IDO1: variants seen among roughly 807,000 people sequenced by gnomAD.
IDO1 encodes the protein indolamine 2,3 dioxygenase.
Under a neutral mutation model 38.8 loss-of-function variants are expected in IDO1, and 35 were observed. That is an observed-to-expected ratio of 0.90 (90% confidence interval 0.69 to 1.20). IDO1 has a LOEUF of 1.20. Ranked by LOEUF, IDO1 falls within the 50% of genes most tolerant of loss-of-function variation. The pLI is 0.00. For missense variants in IDO1, 509 were observed against 485.1 expected (o/e 1.05, Z -0.46); for synonymous variants, 171 against 170.0 (o/e 1.01, Z -0.05).
intron 8 of IDO1, 62 bp downstream of exon 8, chr8:39,924,834 C>G: frequency 1.6e-6 from 2 of 1,218,818 alleles, no homozygotes; most frequent in South Asian, 2.5e-5. Context: ...ACCAAATTCT[C>G]TTGGTTGGTC....
Position 39,928,732 on chromosome 8 carries a change from C to CA in IDO1, c.*564dup, listed in dbSNP as rs34719328. 0.21 allele frequency among the ~76,000 whole-genome samples: 14,999 copies of CA among 71,872 alleles called. 1,039 individuals are homozygous for CA. Among genetic ancestry groups the CA allele is most frequent in the Non-Finnish European group, 0.28 (10,418 of 37,804 alleles). The allele number at this position is 71,872 out of a possible 152,430, so 47.2% of individuals were successfully genotyped here. A position where few individuals can be genotyped will look rare whatever the true frequency, so the allele number is the denominator to read the frequency against. On this transcript the variant is annotated 3_prime_UTR_variant, in exon 10 of 10. Transcript: ENST00000518237. ...TGGGCTAAAGAGCGGGACTCCGTCT[C>CA]AAAAAAAAAAAAAAAAAGATATATT... is the stretch of plus-strand genomic sequence containing the variant.
intron 7 of IDO1, 66 bp downstream of exon 7, chr8:39,923,652 G>GA: frequency 1.1e-6 from 1 of 891,702 alleles, no homozygotes; most frequent in Non-Finnish European, 1.8e-6. Flanking sequence ...TAGAATAGTT[G>GA]AAAAAAGGGA....
rs775816632 is a variant in IDO1, at chr8:39,917,984, A to G, written c.183+14A>G. On this transcript the variant is annotated intron_variant, in intron 2 of 9. Transcript: ENST00000518237. The stretch of plus-strand genomic sequence containing the variant: ...AGAGTTGAGAAGGTTTGACATATGT[A>G]TTACATTTGTCTTCTTGTATAGCTT... 1.1e-4 allele frequency: 180 copies of G among 1,611,236 alleles called. 1 individual carries two copies. The South Asian group carries it at 1.8e-3, about 16-fold the overall frequency.
At position 39,927,827 on chromosome 8, in the gene IDO1, T is replaced by C; in HGVS notation, c.857-3T>C. The C allele has an allele frequency of 6.7e-7, 1 of 1,502,962 alleles. No homozygotes were observed. The highest frequency in any genetic ancestry group is 8.9e-7 in the Non-Finnish European group (1 of 1,125,374). 93.1% of individuals were successfully genotyped at this position (1,502,962 alleles called of 1,614,324 possible). On this transcript the variant is annotated splice_region_variant and splice_polypyrimidine_tract_variant and intron_variant, in intron 9 of 9. Coordinates refer to ENST00000518237, the MANE Select transcript of IDO1 (RefSeq NM_002164.6). ...GTATTTCCTCTTTCTCTTTTTCCTA[T>C]AGGACATGCTGCTCAGTTCCTCCAG...
rs1190999027 is a variant in IDO1, at chr8:39,928,192, CCAA to C, written c.*11_*13del. The C allele has an allele frequency of 5.2e-5, 82 of 1,578,598 alleles. No homozygotes were observed. Among genetic ancestry groups the C allele is most frequent in the Non-Finnish European group, 7.1e-5 (82 of 1,155,758 alleles). ...CCTTTTGAAGGAAGGTTAATGTAAC[CCAA>C]CAAGAGCACATTTTATCATAGCAGA... On this transcript the variant is annotated 3_prime_UTR_variant, in exon 10 of 10. Transcript: ENST00000518237.
At position 39,928,249 on chromosome 8, in the gene IDO1, C is replaced by T; in HGVS notation, c.*64C>T. ...ATCTGTATGCATTCCTGTCATTACC[C>T]ATTGTAACAGAGCCACAAACTAATA... On this transcript the variant is annotated 3_prime_UTR_variant, in exon 10 of 10. Coordinates refer to ENST00000518237, the MANE Select transcript of IDO1 (RefSeq NM_002164.6). The T allele has an allele frequency of 6.0e-6, 7 of 1,164,248 alleles. No homozygotes were observed. Among genetic ancestry groups the T allele is most frequent in the Non-Finnish European group, 8.5e-6 (7 of 821,386 alleles). 72.1% of individuals were successfully genotyped at this position (1,164,248 alleles called of 1,614,324 possible). A position where few individuals can be genotyped will look rare whatever the true frequency, so the allele number is the denominator to read the frequency against.
At chr8:39,925,642 G>A (rs978415026) in intron 9 of IDO1, among the ~76,000 whole-genome samples, 3 of 152,078 alleles carry the variant, frequency 2.0e-5, no homozygotes, top group African/African-American at 4.8e-5. Context: ...CTAGCACTTC[G>A]GGAGACCTAG....
At chr8:39,926,747 G>A (rs1006577955) in intron 9 of IDO1, among the ~76,000 whole-genome samples, 1 of 152,026 alleles carries the variant, frequency 6.6e-6, no homozygotes, top group Admixed American at 6.6e-5. Flanking sequence ...CAGGTATAAT[G>A]GGTGATGCTG....
intron 7 of IDO1, 34 bp downstream of exon 7, chr8:39,923,620 G>T (rs775068351): frequency 1.6e-6 from 2 of 1,262,694 alleles, no homozygotes; most frequent in South Asian, 2.5e-5. Flanking sequence ...AGTCTAGGCT[G>T]ACAAGTCAAA....
intron 1 of IDO1, among the ~76,000 whole-genome samples, chr8:39,915,425 A>G (rs1166077288): frequency 6.6e-6 from 1 of 152,240 alleles, no homozygotes. Context: ...GTTTAGTCAG[A>G]GATTTCAACC....
intron 7 of IDO1, 26 bp from the exon 8 acceptor site, chr8:39,924,691 CTTAA>C (rs1249006090): frequency 6.6e-7 from 1 of 1,526,350 alleles, no homozygotes. Flanking sequence ...TCTGATGCTG[CTTAA>C]TTAAACATAT....
chr8:39,922,466 GAAACT>G (rs1807288687), intron 5 of IDO1, 81 bp from the exon 6 acceptor site: 4 of 843,418 alleles, frequency 4.7e-6, no homozygotes, highest in Admixed American at 2.0e-5. Flanking sequence ...AAATTATGTT[GAAACT>G]AAAATAGCAT....
rs778268528 is a variant in IDO1 at position 39,917,954 on chromosome 8, G to A, written c.167G>A (p.Arg56Gln). Residue 56 changes from arginine to glutamine, a missense_variant, in exon 2 of 10, where the codon CGA (arginine) becomes CAA (glutamine). Physicochemically the swap from Arg to Gln is conservative, Grantham distance 43. Transcript: ENST00000518237. The stretch of plus-strand genomic sequence containing the variant: ...GATCTCATAGAGTCTGGCCAGCTTC[G>A]AGAAAGAGTTGAGAAGGTTTGACAT... The part of the protein sequence containing the change: ...LPDLIESGQL[R>Q]ERVEKLNMLS... 1.5e-5 allele frequency: 24 copies of A among 1,612,762 alleles called. No homozygotes were observed. The highest frequency in any genetic ancestry group is 1.3e-4 in the South Asian group (12 of 91,048).
chr8:39,918,792 C>CCTAA, intron 3 of IDO1, 23 bp from the exon 4 acceptor site: 1 of 919,268 alleles, frequency 1.1e-6, no homozygotes, highest in Non-Finnish European at 1.7e-6. Flanking sequence ...CAACAAAAAA[C>CCTAA]CTAACTACTG....
At chr8:39,925,497 A>G in intron 9 of IDO1, 126 bp downstream of exon 9, 1 of 963,050 alleles carries the variant, frequency 1.0e-6, no homozygotes, top group Non-Finnish European at 1.5e-6. Context: ...GAATCAGGCA[A>G]GTAGGGATTT....
intron 5 of IDO1, among the ~76,000 whole-genome samples, chr8:39,922,024 G>A (rs527518797): frequency 1.3e-4 from 20 of 152,186 alleles, no homozygotes; most frequent in South Asian, 2.1e-4. Context: ...TTTCTGAGAC[G>A]AGTCTCGCTC....
At chr8:39,915,290 A>G (rs1455074847) in intron 1 of IDO1, among the ~76,000 whole-genome samples, 1 of 152,210 alleles carries the variant, frequency 6.6e-6, no homozygotes, top group African/African-American at 2.4e-5. Flanking sequence ...TTAACAAGGT[A>G]CATGGGATTC....
chr8:39,921,904 A>T (rs1807278422), intron 5 of IDO1, among the ~76,000 whole-genome samples: 1 of 152,186 alleles, frequency 6.6e-6, no homozygotes, highest in South Asian at 2.1e-4. Flanking sequence ...TTAAAACTCT[A>T]CCTCGCAGAT....
chr8:39,920,045 T>C (rs1277480931), intron 4 of IDO1, 55 bp from the exon 5 acceptor site: 1 of 1,514,150 alleles, frequency 6.6e-7, no homozygotes, highest in Non-Finnish European at 9.2e-7. Flanking sequence ...TGATGTTAAA[T>C]TGGTTTTCTT....
Sources: gnomAD v4.1 joint callset for allele counts (sites outside exome capture counted in the v4.1 genomes callset) on GRCh38, gnomAD v4.1.1 for gene constraint, MANE v1.5 for transcripts, NCBI Gene and HGNC (gene_info 2026-07-23, HGNC 2026-07-21) for gene names.